Variants in MACROD2 observed in about 807,000 individuals in gnomAD.
MACROD2 encodes mono-ADP ribosylhydrolase 2.
Under a neutral mutation model 70.4 loss-of-function variants are expected in MACROD2, and 36 were observed. The ratio of observed to expected loss-of-function variants is 0.51; its 90% CI spans 0.39 to 0.68. The LOEUF is 0.68. Ranked by LOEUF, MACROD2 falls within the 30% of genes least tolerant of loss-of-function variation. The pLI, the probability that MACROD2 is intolerant of heterozygous loss-of-function variation, is 0.00. For missense variants in MACROD2, 496 were observed against 538.4 expected, an observed-to-expected ratio of 0.92 and a Z score of 0.78; for synonymous variants, 172 against 178.8, an observed-to-expected ratio of 0.96 and a Z score of 0.30.
intron 3 of MACROD2, among the ~76,000 whole-genome samples, chr20:14,322,121 T>A (rs1397413745): frequency 7.1e-6 from 1 of 141,448 alleles, no homozygotes; most frequent in Non-Finnish European, 1.5e-5. Context: ...GAAATGTATG[T>A]ATAATTATTG....
At chr20:15,949,830 AT>A (rs1254464022) in intron 12 of MACROD2, among the ~76,000 whole-genome samples, 2 of 152,198 alleles carry the variant, frequency 1.3e-5, no homozygotes, top group Non-Finnish European at 2.9e-5. Flanking sequence ...CTCTACCAGA[AT>A]AATTATACCA....
At chr20:14,379,408 T>C (rs1240009732) in intron 3 of MACROD2, among the ~76,000 whole-genome samples, 1 of 152,180 alleles carries the variant, frequency 6.6e-6, no homozygotes, top group Non-Finnish European at 1.5e-5. Context: ...AGTATACAAT[T>C]CGATGGGTTT....
rs956722230 is a variant in MACROD2 at position 15,540,949 on chromosome 20, T to C, written c.645+41102T>C. On this transcript the variant is annotated intron_variant, in intron 8 of 17. Coordinates refer to ENST00000684519, the MANE Select transcript of MACROD2 (RefSeq NM_001351661.2). ...TGGACTAGAGGCCCACCTTACTGTATCATGACTTCATCATAAGTAATTACA... is the reference window on the plus strand; with the variant it reads ...TGGACTAGAGGCCCACCTTACTGTACCATGACTTCATCATAAGTAATTACA... 3.3e-5 allele frequency among the ~76,000 whole-genome samples: 5 copies of C among 152,334 alleles called. No homozygotes were observed. The South Asian group carries it at 1.0e-3, about 32-fold the overall frequency.
At chr20:13,996,067 A>G (rs1355667270) in intron 1 of MACROD2, among the ~76,000 whole-genome samples, 1 of 152,078 alleles carries the variant, frequency 6.6e-6, no homozygotes, top group Admixed American at 6.5e-5. Flanking sequence ...GCACCCCGTC[A>G]CCTTCTCCCG....
chr20:14,792,876 T>C (rs2072466400), intron 5 of MACROD2, among the ~76,000 whole-genome samples: 1 of 152,150 alleles, frequency 6.6e-6, no homozygotes, highest in Non-Finnish European at 1.5e-5. Flanking sequence ...ACTTTTGCAG[T>C]GGAAATGTTA....
At chr20:14,347,546 T>C (rs1345706360) in intron 3 of MACROD2, among the ~76,000 whole-genome samples, 2 of 152,102 alleles carry the variant, frequency 1.3e-5, no homozygotes, top group African/African-American at 4.8e-5. Context: ...TGGAGATGTG[T>C]TACTAGTCTG....
rs11479076 is a variant in MACROD2, at chr20:15,096,808, A to ATT, written c.419-133112_419-133111dup. 8.8e-3 allele frequency among the ~76,000 whole-genome samples: 820 copies of ATT among 93,640 alleles called. 23 individuals carry two copies. Among genetic ancestry groups the ATT allele is most frequent in the African/African-American group, 0.029 (636 of 21,864 alleles). 61.4% of individuals were successfully genotyped at this position (93,640 alleles called of 152,430 possible). A position where few individuals can be genotyped will look rare whatever the true frequency, so the allele number is the denominator to read the frequency against. On this transcript the variant is annotated intron_variant, in intron 5 of 17. Coordinates refer to ENST00000684519, the MANE Select transcript of MACROD2 (RefSeq NM_001351661.2). ...ATTATAGGCGTGAGCCACTATGCTA[A>ATT]TTTTTTTTTTTTTTTTTTTTTGAGT... is the stretch of plus-strand genomic sequence containing the variant.
intron 4 of MACROD2, among the ~76,000 whole-genome samples, chr20:14,535,364 G>C (rs1377834002): frequency 2.6e-5 from 4 of 151,788 alleles, no homozygotes; most frequent in Non-Finnish European, 4.4e-5. Flanking sequence ...AATTAGCTGG[G>C]CGTAGTGGCG....
chr20:14,070,687 GGGA>G (rs2053826165), intron 2 of MACROD2, among the ~76,000 whole-genome samples: 1 of 152,148 alleles, frequency 6.6e-6, no homozygotes, highest in African/African-American at 2.4e-5. Flanking sequence ...ATTCTCAAAA[GGGA>G]GGAGGTTCAC....
At chr20:15,322,302 A>G (rs573372855) in intron 6 of MACROD2, among the ~76,000 whole-genome samples, 11 of 143,986 alleles carry the variant, frequency 7.6e-5, no homozygotes, top group African/African-American at 2.7e-4. Context: ...TACCTTGAGT[A>G]TATTGTAGAG....
intron 3 of MACROD2, among the ~76,000 whole-genome samples, chr20:14,335,648 G>A (rs555376010): frequency 2.6e-5 from 4 of 152,138 alleles, no homozygotes; most frequent in South Asian, 4.1e-4. Context: ...GGGGTGCAGC[G>A]AAATGAAAAA....
chr20:15,852,193 T>C (rs2064307216), intron 8 of MACROD2, among the ~76,000 whole-genome samples: 1 of 152,156 alleles, frequency 6.6e-6, no homozygotes, highest in Non-Finnish European at 1.5e-5. Flanking sequence ...GAAATTAACT[T>C]GTGTGAATGA....
intron 3 of MACROD2, among the ~76,000 whole-genome samples, chr20:14,444,717 T>C (rs2084164449): frequency 1.3e-5 from 2 of 152,100 alleles, no homozygotes; most frequent in Admixed American, 1.3e-4. Context: ...AATCAGCTTC[T>C]TCTGTGGCCA....
At chr20:14,556,726 T>A (rs901312008) in intron 4 of MACROD2, among the ~76,000 whole-genome samples, 4 of 152,018 alleles carry the variant, frequency 2.6e-5, no homozygotes, top group Non-Finnish European at 5.9e-5. Flanking sequence ...AATATACTTT[T>A]GAAAAGATAA....
At position 16,049,734 on chromosome 20, in the gene MACROD2, G is replaced by C. The variant is rs1338361444; in HGVS notation, c.1301-96G>C. On this transcript the variant is annotated intron_variant, in intron 17 of 17. Transcript: ENST00000684519. ...ATTTCTGGGCCTATGTGAGGGGTGAGAGACATTTAAATGGCTGTATTAAAA... is the reference window on the plus strand; with the variant it reads ...ATTTCTGGGCCTATGTGAGGGGTGACAGACATTTAAATGGCTGTATTAAAA... 1.2e-5 allele frequency: 15 copies of C among 1,260,870 alleles called. No individual in the cohort carries two copies. In the East Asian group the frequency reaches 3.6e-4, roughly 30 times the overall value. 78.1% of individuals were successfully genotyped at this position (1,260,870 alleles called of 1,614,324 possible). A position where few individuals can be genotyped will look rare whatever the true frequency, so the allele number is the denominator to read the frequency against.
At chr20:16,042,530 A>T (rs1405274280) in intron 16 of MACROD2, among the ~76,000 whole-genome samples, 1 of 152,058 alleles carries the variant, frequency 6.6e-6, no homozygotes, top group Non-Finnish European at 1.5e-5. Flanking sequence ...CATGTTTAAC[A>T]AGATTTAAAG....
At position 15,022,213 on chromosome 20, in the gene MACROD2, A is replaced by T. The variant is rs183813293; in HGVS notation, c.419-207727A>T. Among the ~76,000 whole-genome samples, 50 of 152,280 alleles carry T rather than the reference A, an allele frequency of 3.3e-4. No individual in the cohort carries two copies. In the East Asian group the frequency reaches 7.3e-3, roughly 22 times the overall value. On this transcript the variant is annotated intron_variant, in intron 5 of 17. Coordinates refer to ENST00000684519, the MANE Select transcript of MACROD2 (RefSeq NM_001351661.2). Reference sequence around the variant, plus strand: ...ATTATTATTTGTTGCTGTATACAACATTGGTTGTATCCCTATGTTACACAA... The same window carrying T: ...ATTATTATTTGTTGCTGTATACAACTTTGGTTGTATCCCTATGTTACACAA...
chr20:14,294,922 GCTGTTT>G (rs2082414541), intron 3 of MACROD2, among the ~76,000 whole-genome samples: 1 of 151,478 alleles, frequency 6.6e-6, no homozygotes, highest in Non-Finnish European at 1.5e-5. Context: ...CTCAATAGTA[GCTGTTT>G]CTGACACAGA....
At position 15,749,210 on chromosome 20, in the gene MACROD2, A is replaced by G. The variant is rs1159420463; in HGVS notation, c.646-113535A>G. Among the ~76,000 whole-genome samples, 4 of 152,134 alleles carry G rather than the reference A, an allele frequency of 2.6e-5. No individual in the cohort carries two copies. The East Asian group carries it at 7.7e-4, about 29-fold the overall frequency. On this transcript the variant is annotated intron_variant, in intron 8 of 17. Transcript: ENST00000684519. ...TATAATCCTCTGTATTAGCTAGCAT[A>G]GAGTAAGTACTTATTAATTTTTTCA...
Sources: allele counts gnomAD v4.1 joint callset (sites outside exome capture counted in the v4.1 genomes callset), GRCh38; gene constraint gnomAD v4.1.1; transcripts MANE v1.5; gene names NCBI Gene and HGNC (gene_info 2026-07-23, HGNC 2026-07-21).